The following EXT2 variants were observed in gnomAD, a reference collection of about 807,000 sequenced individuals.
EXT2 encodes exostosin-2.
EXT2 carries 53 observed loss-of-function variants against 81.6 expected under a neutral mutation model. That is an observed-to-expected ratio of 0.65 (90% CI 0.52 to 0.82). EXT2 has a LOEUF of 0.82. Among genes scored for constraint, EXT2 ranks in the 40% least tolerant of loss-of-function variants. EXT2 has a pLI of 0.00. For synonymous variants in EXT2, 320 were observed against 340.0 expected (o/e 0.94, Z 0.65); for missense variants, 774 against 910.2 (o/e 0.85, Z 1.93).
chr11:44,161,512 A>T (rs887425271), intron 7 of EXT2, among the ~76,000 whole-genome samples: 1 of 152,166 alleles, frequency 6.6e-6, no homozygotes, highest in African/African-American at 2.4e-5. Context: ...CTCTTAAAAA[A>T]AAAAAAGTAA....
chr11:44,109,784 C>G (rs1954116833), intron 3 of EXT2, among the ~76,000 whole-genome samples: 1 of 152,180 alleles, frequency 6.6e-6, no homozygotes. Flanking sequence ...TTATTCGCCC[C>G]TCTTGCCTTT....
intron 7 of EXT2, among the ~76,000 whole-genome samples, chr11:44,135,876 G>A (rs1406705377): frequency 6.6e-6 from 1 of 152,112 alleles, no homozygotes; most frequent in African/African-American, 2.4e-5. Flanking sequence ...TCATCAATTT[G>A]AACATCAAAT....
chr11:44,151,616 C>G (rs922077084), intron 7 of EXT2, among the ~76,000 whole-genome samples: 6 of 152,120 alleles, frequency 3.9e-5, no homozygotes, highest in African/African-American at 7.2e-5. Context: ...GTTTATTCAC[C>G]TACTGAAGGG....
intron 8 of EXT2, among the ~76,000 whole-genome samples, chr11:44,174,698 TA>T (rs2135135239): frequency 6.6e-6 from 1 of 152,342 alleles, no homozygotes; most frequent in South Asian, 2.1e-4. Flanking sequence ...CTTTTTCCAG[TA>T]TTTGAAACTT....
intron 3 of EXT2, among the ~76,000 whole-genome samples, chr11:44,109,598 C>T (rs940892849): frequency 6.6e-6 from 1 of 152,082 alleles, no homozygotes; most frequent in Non-Finnish European, 1.5e-5. Flanking sequence ...GAGCATTTGC[C>T]ACAAGTAGAT....
At chr11:44,148,745 C>T (rs2135076521) in intron 7 of EXT2, among the ~76,000 whole-genome samples, 1 of 152,306 alleles carries the variant, frequency 6.6e-6, no homozygotes, top group East Asian at 1.9e-4. Flanking sequence ...CCACAGTTAA[C>T]AGACACAAAT....
chr11:44,158,017 T>C (rs1954879713), intron 7 of EXT2, among the ~76,000 whole-genome samples: 2 of 152,226 alleles, frequency 1.3e-5, no homozygotes, highest in African/African-American at 4.8e-5. Context: ...AACTAGGGCC[T>C]GGAATGAGGG....
intron 8 of EXT2, among the ~76,000 whole-genome samples, chr11:44,186,901 A>G (rs1007317116): frequency 2.0e-5 from 3 of 152,194 alleles, no homozygotes; most frequent in Non-Finnish European, 4.4e-5. Context: ...ATTATGTCTG[A>G]TTATAATTAA....
chr11:44,206,257 G>T (rs767246336), intron 9 of EXT2, among the ~76,000 whole-genome samples: 2 of 152,178 alleles, frequency 1.3e-5, no homozygotes, highest in Non-Finnish European at 2.9e-5. Flanking sequence ...GCACGTCGGG[G>T]ACCTTCGGCA....
At chr11:44,114,729 C>T (rs1032590504) in intron 4 of EXT2, among the ~76,000 whole-genome samples, 2 of 152,116 alleles carry the variant, frequency 1.3e-5, no homozygotes, top group Non-Finnish European at 2.9e-5. Flanking sequence ...TGGTCTTGCT[C>T]CCCTCGAGTT....
intron 7 of EXT2, among the ~76,000 whole-genome samples, chr11:44,147,340 T>G (rs1954731854): frequency 6.6e-6 from 1 of 152,250 alleles, no homozygotes; most frequent in Non-Finnish European, 1.5e-5. Context: ...TCTCCTTGAC[T>G]AGTAGGCAGG....
At chr11:44,202,272 A>G (rs916465129) in intron 9 of EXT2, among the ~76,000 whole-genome samples, 2 of 151,900 alleles carry the variant, frequency 1.3e-5, no homozygotes, top group African/African-American at 4.8e-5. Context: ...CTTTGGACAT[A>G]TATAGATGAA....
At chr11:44,195,506 T>C (rs1216509804) in intron 8 of EXT2, among the ~76,000 whole-genome samples, 1 of 152,210 alleles carries the variant, frequency 6.6e-6, no homozygotes, top group Non-Finnish European at 1.5e-5. Context: ...TATAGCATGT[T>C]GTGGACATTT....
intron 9 of EXT2, among the ~76,000 whole-genome samples, chr11:44,206,024 T>C (rs2135202317): frequency 6.6e-6 from 1 of 152,112 alleles, no homozygotes; most frequent in Admixed American, 6.5e-5. Flanking sequence ...AGGCACGTCA[T>C]GGGTTGGTGT....
At chr11:44,223,672 C>T (rs11037906) in intron 10 of EXT2, among the ~76,000 whole-genome samples, 17,123 of 143,488 alleles carry the variant, frequency 0.12, 1,239 homozygotes, top group South Asian at 0.19. Context: ...TTTTTTGTGA[C>T]GGAGTCTCGC....
chr11:44,195,693 T>C (rs1374024980), intron 8 of EXT2, among the ~76,000 whole-genome samples: 1 of 152,130 alleles, frequency 6.6e-6, no homozygotes. Context: ...ATGGATGAGA[T>C]TGATAGGGAA....
At chr11:44,152,778 G>C (rs1466018966) in intron 7 of EXT2, among the ~76,000 whole-genome samples, 1 of 152,102 alleles carries the variant, frequency 6.6e-6, no homozygotes, top group Non-Finnish European at 1.5e-5. Context: ...ACCATTTGTG[G>C]AAAGACTGTC....
In EXT2 at chr11:44,171,722, T is replaced by C. The variant is rs748351664; in HGVS notation, c.1285T>C (p.Trp429Arg). ...ATATGCTGCCATCTCCTATGAAGAA[T>C]GGAATGACCCTCCTGCTGTGGTAAG... ...YPYAAISYEE[W>R]NDPPAVKWGS... is the part of the protein sequence containing the mutation. The change falls in exon 8 of 14, where the codon TGG (tryptophan) becomes CGG (arginine). Residue 429 changes from tryptophan (W) to arginine (R), a missense_variant. Trp to Arg is a moderately radical substitution (Grantham distance 101, BLOSUM62 -3). Transcript: ENST00000533608. 3.7e-6 allele frequency: 6 copies of C among 1,613,918 alleles called. No homozygotes were observed. The South Asian group carries it at 6.6e-5, about 18-fold the overall frequency.
intron 8 of EXT2, among the ~76,000 whole-genome samples, chr11:44,195,160 C>T (rs993827714): frequency 2.0e-5 from 3 of 152,106 alleles, no homozygotes; most frequent in African/African-American, 4.8e-5. Context: ...CCTGGCCGGG[C>T]GCGGTGGCTC....
Sources: gnomAD v4.1 joint callset for allele counts (sites outside exome capture counted in the v4.1 genomes callset) on GRCh38, gnomAD v4.1.1 for gene constraint, MANE v1.5 for transcripts, NCBI Gene and HGNC (gene_info 2026-07-23, HGNC 2026-07-21) for gene names.